The following FRMD4A variants were observed in gnomAD, a reference collection of about 807,000 sequenced individuals.
The protein encoded by FRMD4A is FERM domain-containing protein 4A.
In FRMD4A, 29 loss-of-function variants were observed where a neutral mutation model predicts 129.1. That is an observed-to-expected ratio of 0.22 (90% CI 0.17 to 0.31). The LOEUF (loss-of-function observed/expected upper bound fraction) is 0.31. FRMD4A is among the 10% of genes least tolerant of loss of function. The pLI is 1.00. For missense variants in FRMD4A, 1,272 were observed against 1,375.8 expected (o/e 0.92, Z 1.19); for synonymous variants, 634 against 571.6 (o/e 1.11, Z -1.56).
At chr10:13,681,925 T>C (rs1283029913) in intron 15 of FRMD4A, among the ~76,000 whole-genome samples, 2 of 152,158 alleles carry the variant, frequency 1.3e-5, no homozygotes, top group African/African-American at 4.8e-5. Context: ...TTACTCTTTC[T>C]ATTAAAAAGT....
At chr10:14,104,156 A>G (rs1462868839) in intron 2 of FRMD4A, among the ~76,000 whole-genome samples, 1 of 152,124 alleles carries the variant, frequency 6.6e-6, no homozygotes, top group Non-Finnish European at 1.5e-5. Flanking sequence ...GCTGCCATTG[A>G]GGTCTACACT....
chr10:13,654,666 C>A, intron 22 of FRMD4A, 154 bp from the exon 23 acceptor site: 1 of 608,560 alleles, frequency 1.6e-6, no homozygotes, highest in South Asian at 2.0e-5. Context: ...CTCAGCATCC[C>A]TATGGCATGG....
chr10:13,886,491 G>A (rs1445382407), intron 2 of FRMD4A, among the ~76,000 whole-genome samples: 1 of 152,222 alleles, frequency 6.6e-6, no homozygotes, highest in African/African-American at 2.4e-5. Context: ...CCACAGCACA[G>A]ACTAAGAAAA....
intron 2 of FRMD4A, among the ~76,000 whole-genome samples, chr10:14,062,200 G>A (rs900701170): frequency 1.3e-4 from 20 of 152,204 alleles, no homozygotes; most frequent in African/African-American, 4.8e-4. Context: ...CTGTTACAGA[G>A]CCAATAAGAT....
chr10:13,938,105 A>G (rs1320866827), intron 2 of FRMD4A, among the ~76,000 whole-genome samples: 1 of 152,232 alleles, frequency 6.6e-6, no homozygotes, highest in African/African-American at 2.4e-5. Context: ...CACTACAGAT[A>G]ATCTTCTAAT....
intron 2 of FRMD4A, among the ~76,000 whole-genome samples, chr10:13,928,207 A>G (rs1391874607): frequency 1.3e-5 from 2 of 150,804 alleles, no homozygotes; most frequent in African/African-American, 5.0e-5. Flanking sequence ...TGTTTTGCAT[A>G]GAAGAAGTCT....
At chr10:13,794,191 AGACCAGCCT>A (rs2093063729) in intron 5 of FRMD4A, among the ~76,000 whole-genome samples, 1 of 152,172 alleles carries the variant, frequency 6.6e-6, no homozygotes, top group East Asian at 1.9e-4. Flanking sequence ...CAGGAATTCC[AGACCAGCCT>A]GACCAACATG....
intron 3 of FRMD4A, among the ~76,000 whole-genome samples, chr10:13,829,180 G>T (rs1178161066): frequency 1.3e-5 from 2 of 152,172 alleles, no homozygotes; most frequent in Admixed American, 1.3e-4. Flanking sequence ...GAATGGTGAG[G>T]TGGAATAGGA....
chr10:13,949,315 A>AAAAG (rs1236223553), intron 2 of FRMD4A, among the ~76,000 whole-genome samples: 1 of 148,712 alleles, frequency 6.7e-6, no homozygotes, highest in Non-Finnish European at 1.5e-5. Context: ...AAAAAAAAAA[A>AAAAG]AAAGAAAGAA....
chr10:13,693,907 G>A lies in FRMD4A; in HGVS notation c.1108C>T (p.Leu370=). The change falls in exon 15 of 25, where the codon CTG becomes TTG. Residue 370 remains leucine, a synonymous_variant. Transcript: ENST00000357447. ...GCTGGCCTCTGCCTACCTGAAGACA[G>A]CAGGCTGCCGCTGCTGCCGCTGATG... The part of the protein sequence containing the change: ...KIISGSSGSL[L]SSGSQESDSS... The A allele has an allele frequency of 1.2e-6, 2 of 1,608,400 alleles. No individual in the cohort carries two copies. The highest frequency in any genetic ancestry group is 1.7e-5 in the Admixed American group (1 of 58,498).
At chr10:13,670,919 C>G (rs968879109) in intron 16 of FRMD4A, among the ~76,000 whole-genome samples, 1 of 152,298 alleles carries the variant, frequency 6.6e-6, no homozygotes, top group Non-Finnish European at 1.5e-5. Flanking sequence ...CGTGAGTTCT[C>G]GGGCCTCTCT....
At chr10:14,113,622 TG>T (rs1838043510) in intron 2 of FRMD4A, among the ~76,000 whole-genome samples, 1 of 152,162 alleles carries the variant, frequency 6.6e-6, no homozygotes, top group Non-Finnish European at 1.5e-5. Flanking sequence ...CTAACCCCTA[TG>T]TTGTTCAAGG....
At chr10:13,875,385 T>A (rs978137420) in intron 2 of FRMD4A, among the ~76,000 whole-genome samples, 15 of 152,316 alleles carry the variant, frequency 9.8e-5, no homozygotes, top group African/African-American at 3.6e-4. Flanking sequence ...GTAGAACTTG[T>A]CTTCCTCAAT....
intron 2 of FRMD4A, among the ~76,000 whole-genome samples, chr10:14,328,626 ATGTGTGTGTGTGTGTG>A (rs58681647): frequency 7.0e-6 from 1 of 142,474 alleles, no homozygotes; most frequent in African/African-American, 2.6e-5. Context: ...ATACATATGC[ATGTGTGTGTGTGTGTG>A]TGTGTGTGTG....
Position 13,670,429 on chromosome 10 carries a change from G to C in FRMD4A, c.1351C>G (p.Gln451Glu), listed in dbSNP as rs550943041. The part of the protein sequence containing the change: ...RIGTAFKLDE[Q>E]KILPKGEEAE... ...ACCTCTCCTTTGGGCAGGATTTTCT[G>C]TTCATCCAGTTTGAAGGCTGTTCCT... The change falls in exon 17 of 25, where the codon CAG becomes GAG. Residue 451 changes from glutamine (Q) to glutamate (E), a missense_variant. Around this residue, in one of 2 missense-constraint regions of FRMD4A, gnomAD observed 972 missense variants for 892.3 expected, o/e 1.09. Coordinates refer to ENST00000357447, the MANE Select transcript of FRMD4A (RefSeq NM_018027.5). 6.2e-7 allele frequency: 1 copy of C among 1,613,476 alleles called. No individual in the cohort carries two copies. The highest frequency in any genetic ancestry group is 1.3e-5 in the African/African-American group (1 of 75,024).
chr10:14,128,665 G>A (rs542318073), intron 2 of FRMD4A, among the ~76,000 whole-genome samples: 1 of 152,178 alleles, frequency 6.6e-6, no homozygotes, highest in Non-Finnish European at 1.5e-5. Flanking sequence ...GTATGTTACT[G>A]CAGGCAAGAC....
At chr10:14,282,473 C>T (rs1025988912) in intron 2 of FRMD4A, among the ~76,000 whole-genome samples, 4 of 152,096 alleles carry the variant, frequency 2.6e-5, no homozygotes, top group African/African-American at 7.2e-5. Flanking sequence ...TTGCGTTAGC[C>T]GTGAGGAAGC....
At chr10:14,147,801 C>T (rs1375121030) in intron 2 of FRMD4A, among the ~76,000 whole-genome samples, 2 of 152,080 alleles carry the variant, frequency 1.3e-5, no homozygotes, top group Non-Finnish European at 2.9e-5. Flanking sequence ...GTCCACAGCC[C>T]AGGGGTTAGG....
At chr10:14,177,990 A>G (rs1841790422) in intron 2 of FRMD4A, among the ~76,000 whole-genome samples, 1 of 152,210 alleles carries the variant, frequency 6.6e-6, no homozygotes, top group Non-Finnish European at 1.5e-5. Context: ...TAGCTGTTGA[A>G]TGCTTACCTG....
Sources: gnomAD v4.1 joint callset for allele counts (sites outside exome capture counted in the v4.1 genomes callset) on GRCh38, gnomAD v4.1.1 for gene constraint, gnomAD v4.1.1 regional missense constraint, MANE v1.5 for transcripts, NCBI Gene and HGNC (gene_info 2026-07-23, HGNC 2026-07-21) for gene names.